Variants in FBXL5 observed in about 807,000 individuals in gnomAD.
FBXL5 encodes F-box and leucine rich repeat protein 5.
FBXL5 carries 26 observed loss-of-function variants against 78.3 expected under a neutral mutation model. The observed-to-expected ratio is 0.33, with a 90% CI of 0.24 to 0.46. The LOEUF is 0.46. Ranked by LOEUF, FBXL5 falls within the 20% of genes least tolerant of loss-of-function variation. The pLI is 1.00. For missense variants in FBXL5, 710 were observed against 829.2 expected (o/e 0.86, Z 1.77); for synonymous variants, 295 against 282.5 (o/e 1.04, Z -0.45).
chr4:15,669,270 T>C (rs1717666337), intron 1 of FBXL5, among the ~76,000 whole-genome samples: 1 of 152,312 alleles, frequency 6.6e-6, no homozygotes, highest in Admixed American at 6.5e-5. Context: ...CAGTACAGCA[T>C]GTTACTTTAC....
intron 9 of FBXL5, among the ~76,000 whole-genome samples, chr4:15,618,737 G>C (rs1360590747): frequency 6.6e-6 from 1 of 152,050 alleles, no homozygotes; most frequent in Non-Finnish European, 1.5e-5. Context: ...AGCTACTTGG[G>C]AGGGTGAGAC....
At chr4:15,631,065 C>A (rs1184656376) in intron 5 of FBXL5, among the ~76,000 whole-genome samples, 2 of 152,164 alleles carry the variant, frequency 1.3e-5, no homozygotes, top group African/African-American at 2.4e-5. Context: ...ATCCCTCCCC[C>A]AGTCCCCTAC....
intron 1 of FBXL5, among the ~76,000 whole-genome samples, chr4:15,674,735 C>T (rs1346202787): frequency 2.0e-5 from 3 of 151,640 alleles, no homozygotes; most frequent in South Asian, 2.1e-4. Context: ...CTGCAAGCTC[C>T]GCCTCCCACG....
At chr4:15,624,799 G>C (rs926547228) in intron 9 of FBXL5, among the ~76,000 whole-genome samples, 1 of 152,120 alleles carries the variant, frequency 6.6e-6, no homozygotes, top group Non-Finnish European at 1.5e-5. Context: ...TTTGGCTTTT[G>C]TAAACACTTA....
intron 1 of FBXL5, among the ~76,000 whole-genome samples, chr4:15,646,417 A>G (rs940114877): frequency 6.6e-6 from 1 of 151,610 alleles, no homozygotes; most frequent in African/African-American, 2.4e-5. Context: ...AATAAAATCT[A>G]TTGGTGGCTA....
At chr4:15,666,393 C>T (rs1282008209) in intron 1 of FBXL5, among the ~76,000 whole-genome samples, 2 of 152,014 alleles carry the variant, frequency 1.3e-5, no homozygotes, top group African/African-American at 2.4e-5. Flanking sequence ...GAGCAAGACC[C>T]TGCCTAAAAA....
intron 1 of FBXL5, among the ~76,000 whole-genome samples, chr4:15,646,260 T>C (rs984411758): frequency 1.3e-5 from 2 of 152,206 alleles, no homozygotes; most frequent in Non-Finnish European, 2.9e-5. Flanking sequence ...CAAAATACTA[T>C]TCTTCTTTTG....
chr4:15,642,847 C>CT lies in FBXL5; in HGVS notation c.300+1645dup, dbSNP rs557718428. 2.3e-3 allele frequency among the ~76,000 whole-genome samples: 352 copies of CT among 152,306 alleles called. 3 individuals carry two copies. Among genetic ancestry groups the CT allele is most frequent in the African/African-American group, 8.2e-3 (340 of 41,568 alleles). On this transcript the variant is annotated intron_variant, in intron 2 of 10. Transcript: ENST00000341285. The stretch of plus-strand genomic sequence containing the variant: ...CAAACCTAATCTGTCAAGAATGAAT[C>CT]TTTTTTATTTCCTGACCCTCTTCTA...
chr4:15,646,548 A>T (rs10030073), intron 1 of FBXL5, among the ~76,000 whole-genome samples: 150,837 of 151,610 alleles, frequency 0.99, 75,037 homozygotes, highest in South Asian at 1. Flanking sequence ...AATATTTTTT[A>T]TTATTATTAT....
intron 8 of FBXL5, among the ~76,000 whole-genome samples, chr4:15,626,482 GGAA>G (rs1219027373): frequency 2.0e-5 from 3 of 152,182 alleles, no homozygotes; most frequent in Non-Finnish European, 2.9e-5. Flanking sequence ...ATATACTCTG[GGAA>G]GAAGGTGGCT....
In FBXL5 at chr4:15,625,362, C is replaced by A. The variant is rs979275298; in HGVS notation, c.1740G>T (p.Arg580Ser). The change falls in exon 9 of 11, where the codon AGG becomes AGT. Residue 580 changes from arginine to serine, a missense_variant. Arg to Ser is a moderately radical substitution (Grantham distance 110, BLOSUM62 -1). Around this residue, in one of 4 missense-constraint regions of FBXL5, gnomAD observed 517 missense variants for 542.9 expected, o/e 0.95. Transcript: ENST00000341285. ...CRKAARTRLP[R>S]GKDLIYFGSE... ...TCCCAAAGTAAATTAAGTCTTTTCC[C>A]CTAGGCAATCTAGTCCTTGCTGCTT... is the stretch of plus-strand genomic sequence containing the variant. 7 of 1,614,162 alleles carry A rather than the reference C, an allele frequency of 4.3e-6. No individual in the cohort carries two copies. The highest frequency in any genetic ancestry group is 1.7e-5 in the Admixed American group (1 of 60,012).
At chr4:15,640,911 T>A (rs1277534631) in intron 2 of FBXL5, 28 bp from the exon 3 acceptor site, 3 of 1,270,504 alleles carry the variant, frequency 2.4e-6, no homozygotes, top group African/African-American at 3.1e-5. Context: ...AATACATTTT[T>A]ATAAAAGTTT....
At chr4:15,655,372 C>G (rs2148736885), upstream of FBXL5, 1 of 1,111,426 alleles carries the variant, frequency 9.0e-7, no homozygotes, top group Non-Finnish European at 1.1e-6. Flanking sequence ...GCGGCGCGCC[C>G]CCTTGCGCAT....
In FBXL5 at chr4:15,680,170, A is replaced by G. The variant is rs183128397; in HGVS notation, c.-284+1213T>C. ...AATATTGAAGGAGAGACCGAGTGAA[A>G]TAAGACTGTATATTCTCATCTGCTT... is the stretch of plus-strand genomic sequence containing the variant. On this transcript the variant is annotated intron_variant, in intron 1 of 4. Coordinates refer to the FBXL5 transcript ENST00000507899. Among the ~76,000 whole-genome samples the G allele has an allele frequency of 3.3e-5, 5 of 152,300 alleles. No homozygotes were observed. In the East Asian group the frequency reaches 7.7e-4, roughly 23 times the overall value.
intron 1 of FBXL5, among the ~76,000 whole-genome samples, chr4:15,673,985 T>A (rs1035657300): frequency 6.6e-6 from 1 of 152,250 alleles, no homozygotes; most frequent in Non-Finnish European, 1.5e-5. Context: ...TTGTTTTATA[T>A]ATTTTGTCCA....
At chr4:15,649,164 C>G (rs1384326958) in intron 1 of FBXL5, among the ~76,000 whole-genome samples, 1 of 137,000 alleles carries the variant, frequency 7.3e-6, no homozygotes, top group Admixed American at 7.2e-5. Flanking sequence ...AAAACAAAGC[C>G]AAAAAAAAAA....
chr4:15,659,229 A>C (rs1717186414), upstream of FBXL5, among the ~76,000 whole-genome samples: 1 of 152,260 alleles, frequency 6.6e-6, no homozygotes, highest in African/African-American at 2.4e-5. Context: ...GTAGGCATAC[A>C]TAGTAGGCAT....
chr4:15,673,483 C>G (rs1282661352), intron 1 of FBXL5, among the ~76,000 whole-genome samples: 1 of 152,090 alleles, frequency 6.6e-6, no homozygotes, highest in African/African-American at 2.4e-5. Context: ...ATCAGCAAGA[C>G]AGTAGACCAG....
intron 2 of FBXL5, among the ~76,000 whole-genome samples, chr4:15,641,120 C>T (rs941307474): frequency 2.6e-5 from 4 of 152,164 alleles, no homozygotes; most frequent in Admixed American, 6.5e-5. Flanking sequence ...AAAAATAGCA[C>T]GTATCTGCCC....
Sources: allele counts gnomAD v4.1 joint callset (sites outside exome capture counted in the v4.1 genomes callset), GRCh38; gene constraint gnomAD v4.1.1; regional missense constraint gnomAD v4.1.1; transcripts MANE v1.5; gene names NCBI Gene and HGNC (gene_info 2026-07-23, HGNC 2026-07-21).